Variants in GLYATL2 observed in about 807,000 individuals in gnomAD.
GLYATL2 encodes the protein glycine-N-acyltransferase like 2.
GLYATL2 carries 25 observed loss-of-function variants against 21.4 expected under a neutral mutation model. That is an observed-to-expected ratio of 1.17 (90% CI 0.85 to 1.63). The LOEUF is 1.63. Among genes scored for constraint, GLYATL2 ranks in the 40% most tolerant of loss-of-function variants. GLYATL2 has a pLI of 0.00. For missense variants in GLYATL2, 361 were observed against 343.3 expected (o/e 1.05, Z -0.41); for synonymous variants, 114 against 118.2 (o/e 0.96, Z 0.23).
chr11:58,836,936 C>G (rs1473129975), intron 5 of GLYATL2, 79 bp downstream of exon 5: 1 of 1,287,130 alleles, frequency 7.8e-7, no homozygotes. Context: ...AGTCTCAAAT[C>G]CTACATTTCC....
chr11:58,839,731 C>G, intron 1 of GLYATL2, 79 bp from the exon 2 acceptor site: 1 of 642,578 alleles, frequency 1.6e-6, no homozygotes, highest in South Asian at 2.0e-5. Flanking sequence ...GAGAAGTCAC[C>G]AGGGACATCA....
rs1208355802 is a variant in GLYATL2 at position 58,834,359 on chromosome 11, T to C, written c.*70A>G. 1 of 1,289,686 alleles carries C rather than the reference T, an allele frequency of 7.8e-7. No homozygotes were observed. The highest frequency in any genetic ancestry group is 2.3e-5 in the Admixed American group (1 of 43,802). 79.9% of individuals were successfully genotyped at this position (1,289,686 alleles called of 1,614,324 possible). Reference sequence around the variant, plus strand: ...CAGTTGCATTTTGTGCTAATGTAGATCACAATGCTTGTGTTTGAATTAATG... The same window carrying C: ...CAGTTGCATTTTGTGCTAATGTAGACCACAATGCTTGTGTTTGAATTAATG... On this transcript the variant is annotated 3_prime_UTR_variant, in exon 6 of 6. Coordinates refer to ENST00000287275, the MANE Select transcript of GLYATL2 (RefSeq NM_145016.4).
At chr11:58,893,418 G>C in intron 1 of GLYATL2, 1 of 236,074 alleles carries the variant, frequency 4.2e-6, no homozygotes, top group Admixed American at 4.1e-5. Context: ...CCTGTGAGTG[G>C]CACCAATGGA....
intron 1 of GLYATL2, among the ~76,000 whole-genome samples, chr11:58,870,229 G>A (rs149145536): frequency 3.3e-5 from 5 of 152,302 alleles, no homozygotes; most frequent in African/African-American, 7.2e-5. Flanking sequence ...TGGCTTTTAG[G>A]TGAAGACTTA....
rs1221663756 is a variant in GLYATL2, at chr11:58,866,993, A to G, written n.61-28625T>C. On this transcript the variant is annotated intron_variant and non_coding_transcript_variant, in intron 1 of 4. Coordinates refer to the GLYATL2 transcript ENST00000533636. The stretch of plus-strand genomic sequence containing the variant: ...ACATTGCTAAAGGATAATGAAGGAT[A>G]TTGATATGAAAGAAGCAGCCCAGAG... Among the ~76,000 whole-genome samples, 5 of 148,912 alleles carry G rather than the reference A, an allele frequency of 3.4e-5. No homozygotes were observed. The Admixed American group carries it at 3.5e-4, about 10-fold the overall frequency.
chr11:58,895,588 A>T (rs1269528371), intron 1 of GLYATL2, among the ~76,000 whole-genome samples: 1 of 152,322 alleles, frequency 6.6e-6, no homozygotes, highest in African/African-American at 2.4e-5. Context: ...CCCCATCATG[A>T]TCATCACCTA....
At chr11:58,867,404 G>T (rs1854041090) in intron 1 of GLYATL2, among the ~76,000 whole-genome samples, 1 of 148,572 alleles carries the variant, frequency 6.7e-6, no homozygotes, top group African/African-American at 2.4e-5. Flanking sequence ...CTGTACCATT[G>T]GGTGATAACA....
At chr11:58,873,501 G>A (rs1854164726) in intron 1 of GLYATL2, among the ~76,000 whole-genome samples, 1 of 152,176 alleles carries the variant, frequency 6.6e-6, no homozygotes, top group Admixed American at 6.5e-5. Context: ...ATGAAGGGCT[G>A]TTGAATTTTG....
intron 3 of GLYATL2, 51 bp downstream of exon 3, chr11:58,838,210 G>A: frequency 8.4e-7 from 1 of 1,191,536 alleles, no homozygotes; most frequent in Non-Finnish European, 1.2e-6. Flanking sequence ...TTGCCATGCA[G>A]AGAACGTCTG....
At chr11:58,905,136 G>A (rs1167314478), upstream of GLYATL2, among the ~76,000 whole-genome samples, 1 of 152,086 alleles carries the variant, frequency 6.6e-6, no homozygotes. Flanking sequence ...CTTCATCTGA[G>A]GGGTAAAGTT....
At chr11:58,896,294 T>C (rs1854634121) in intron 1 of GLYATL2, among the ~76,000 whole-genome samples, 1 of 152,026 alleles carries the variant, frequency 6.6e-6, no homozygotes, top group Non-Finnish European at 1.5e-5. Flanking sequence ...GCACAACCAA[T>C]CCTCTGAGCC....
intron 1 of GLYATL2, among the ~76,000 whole-genome samples, chr11:58,850,331 G>A (rs1359974557): frequency 4.6e-5 from 7 of 151,804 alleles, no homozygotes; most frequent in Admixed American, 6.6e-5. Flanking sequence ...TTTTGTGGGC[G>A]GTAAGCCACC....
At chr11:58,870,880 G>A (rs1854105749) in intron 1 of GLYATL2, among the ~76,000 whole-genome samples, 1 of 152,202 alleles carries the variant, frequency 6.6e-6, no homozygotes, top group Non-Finnish European at 1.5e-5. Flanking sequence ...CAGGAGCAAA[G>A]ACTCTCAAAG....
chr11:58,898,630 T>G (rs899404437), intron 1 of GLYATL2, among the ~76,000 whole-genome samples: 1 of 151,946 alleles, frequency 6.6e-6, no homozygotes, highest in Non-Finnish European at 1.5e-5. Flanking sequence ...GGTCAGGAGA[T>G]CGAGACCATC....
chr11:58,877,973 G>A (rs550109996), intron 1 of GLYATL2, among the ~76,000 whole-genome samples: 1 of 152,250 alleles, frequency 6.6e-6, no homozygotes, highest in South Asian at 2.1e-4. Flanking sequence ...TTGAATGTTG[G>A]CCAATCCCAG....
chr11:58,889,023 T>TC (rs1194037231), intron 1 of GLYATL2, among the ~76,000 whole-genome samples: 2 of 151,512 alleles, frequency 1.3e-5, no homozygotes, highest in Non-Finnish European at 3.0e-5. Context: ...AATATGCTCT[T>TC]TTTTTTCACT....
At chr11:58,839,994 T>C (rs969036454) in intron 1 of GLYATL2, among the ~76,000 whole-genome samples, 3 of 152,154 alleles carry the variant, frequency 2.0e-5, no homozygotes, top group African/African-American at 4.8e-5. Context: ...AATGCATCTC[T>C]TCAGGGATTG....
At chr11:58,892,670 G>T (rs1290457909) in intron 1 of GLYATL2, 1 of 354,588 alleles carries the variant, frequency 2.8e-6, no homozygotes, top group Non-Finnish European at 5.4e-6. Flanking sequence ...AGGTCTTCAA[G>T]AAAGTTTAGG....
At chr11:58,886,120 G>A (rs1315498746) in intron 1 of GLYATL2, among the ~76,000 whole-genome samples, 1 of 152,194 alleles carries the variant, frequency 6.6e-6, no homozygotes, top group Non-Finnish European at 1.5e-5. Flanking sequence ...GGAGGCTGAG[G>A]TGGGAGGATG....
Sources: gnomAD v4.1 joint callset for allele counts (sites outside exome capture counted in the v4.1 genomes callset) on GRCh38, gnomAD v4.1.1 for gene constraint, MANE v1.5 for transcripts, NCBI Gene and HGNC (gene_info 2026-07-23, HGNC 2026-07-21) for gene names.